Variants in TCF7L2 observed in about 807,000 individuals in gnomAD.
TCF7L2 encodes the protein transcription factor 7 like 2.
A neutral mutation model predicts 77.9 loss-of-function variants in TCF7L2; 23 were observed. That is an observed-to-expected ratio of 0.30 (90% CI 0.21 to 0.42). TCF7L2 has a LOEUF of 0.42. TCF7L2 is among the 10% of genes least tolerant of loss of function. The pLI is 1.00. For missense variants in TCF7L2, 654 were observed against 793.1 expected (o/e 0.82, Z 2.11); for synonymous variants, 413 against 340.2 (o/e 1.21, Z -2.36).
intron 4 of TCF7L2, among the ~76,000 whole-genome samples, chr10:112,976,875 C>A (rs2039519055): frequency 6.6e-6 from 1 of 152,138 alleles, no homozygotes; most frequent in Non-Finnish European, 1.5e-5. Flanking sequence ...TGGCATCATC[C>A]AAACAGTGGT....
rs151090360 is a variant in TCF7L2 at position 113,066,943 on chromosome 10, G to T, written c.552+26817G>T. 5.9e-4 allele frequency among the ~76,000 whole-genome samples: 90 copies of T among 152,326 alleles called. 1 individual carries two copies. The highest frequency in any genetic ancestry group is 2.1e-3 in the African/African-American group (86 of 41,574). On this transcript the variant is annotated intron_variant, in intron 5 of 13. Transcript: ENST00000627217. ...ATTGGGAGGAGTTAGGCTGCAGCAT[G>T]AATGGGAACAATGAATATGGAGGTT...
At chr10:112,980,147 T>C (rs1391722582) in intron 4 of TCF7L2, among the ~76,000 whole-genome samples, 1 of 152,202 alleles carries the variant, frequency 6.6e-6, no homozygotes, top group East Asian at 1.9e-4. Context: ...GGGTGGGGTA[T>C]ACACAGTGTG....
At chr10:113,158,988 A>G (rs1228191916) in intron 12 of TCF7L2, among the ~76,000 whole-genome samples, 1 of 151,222 alleles carries the variant, frequency 6.6e-6, no homozygotes, top group Non-Finnish European at 1.5e-5. Flanking sequence ...TAACTGTGCA[A>G]ATTGAATATG....
chr10:112,975,209 A>G (rs2039164833), intron 4 of TCF7L2, among the ~76,000 whole-genome samples: 1 of 150,504 alleles, frequency 6.6e-6, no homozygotes, highest in African/African-American at 2.5e-5. Context: ...CACATCAAAC[A>G]TATGTGGAGT....
intron 4 of TCF7L2, among the ~76,000 whole-genome samples, chr10:113,031,119 G>T (rs927394529): frequency 6.6e-6 from 1 of 152,206 alleles, no homozygotes; most frequent in African/African-American, 2.4e-5. Flanking sequence ...TCTGGTTTCA[G>T]TCCCTCATAA....
chr10:113,151,174 G>A lies in TCF7L2; in HGVS notation c.1001+51G>A. On this transcript the variant is annotated intron_variant, in intron 9 of 13. Transcript: ENST00000627217. This position sits in a 1 kb window ranked among gnomAD's most constrained non-coding sequence, Gnocchi z 5.2. ...TCTTCGTAGCCGCAGTGTTCTGCAA[G>A]CCTGTTGCAGCTGCTGGGTGGTGGC... 1 of 1,610,718 alleles carries A rather than the reference G, an allele frequency of 6.2e-7. No individual in the cohort carries two copies. Among genetic ancestry groups the A allele is most frequent in the Non-Finnish European group, 8.5e-7 (1 of 1,177,422 alleles).
At chr10:113,137,607 A>T (rs2067617721) in intron 5 of TCF7L2, among the ~76,000 whole-genome samples, 1 of 152,228 alleles carries the variant, frequency 6.6e-6, no homozygotes, top group Non-Finnish European at 1.5e-5. Flanking sequence ...TAATTGAGAT[A>T]GTGTCTGCAA....
rs761524020 is a variant in TCF7L2 at position 113,024,308 on chromosome 10, AAAAC to A, written c.451-15697_451-15694del. On this transcript the variant is annotated intron_variant, in intron 4 of 13. Coordinates refer to ENST00000627217, the MANE Select transcript of TCF7L2 (RefSeq NM_001146274.2). ...CAAAGCGAGACTCTCACAACAAAAC[AAAAC>A]AAACAAACAAACAAACAAAAAGTCA... Among the ~76,000 whole-genome samples the A allele has an allele frequency of 5.2e-3, 791 of 152,096 alleles. 4 individuals are homozygous for A. Among genetic ancestry groups the A allele is most frequent in the African/African-American group, 0.015 (638 of 41,508 alleles).
At chr10:113,102,207 C>T (rs1473319215) in intron 5 of TCF7L2, among the ~76,000 whole-genome samples, 3 of 148,172 alleles carry the variant, frequency 2.0e-5, no homozygotes, top group Non-Finnish European at 4.5e-5. Context: ...TGGTTAGGAG[C>T]GTGTGCTCTG....
At chr10:112,991,507 CA>C (rs372874107) in intron 4 of TCF7L2, among the ~76,000 whole-genome samples, 76 of 122,378 alleles carry the variant, frequency 6.2e-4, no homozygotes, top group Admixed American at 8.9e-4. Context: ...GACTCCATCT[CA>C]AAAAAAAAAA....
chr10:113,124,907 G>A (rs1020508340), intron 5 of TCF7L2, among the ~76,000 whole-genome samples: 2 of 152,078 alleles, frequency 1.3e-5, no homozygotes, highest in Non-Finnish European at 2.9e-5. Flanking sequence ...TCCGAATGGC[G>A]ATTTGGGATC....
chr10:113,147,101 A>G, intron 8 of TCF7L2, among the ~76,000 whole-genome samples: 1 of 152,282 alleles, frequency 6.6e-6, no homozygotes, highest in South Asian at 2.1e-4. Flanking sequence ...GTTTCTAATG[A>G]TAGTTTTATT....
chr10:113,075,870 C>T (rs193028198), intron 5 of TCF7L2, among the ~76,000 whole-genome samples: 4 of 151,986 alleles, frequency 2.6e-5, no homozygotes, highest in Non-Finnish European at 4.4e-5. Flanking sequence ...ATCTTACAGC[C>T]GGGGCCTGTA....
At chr10:112,962,305 G>T (rs2035465841) in intron 3 of TCF7L2, among the ~76,000 whole-genome samples, 1 of 152,128 alleles carries the variant, frequency 6.6e-6, no homozygotes, top group Admixed American at 6.6e-5. Flanking sequence ...ATCTGAATCA[G>T]GCGATTGGAA....
At chr10:113,121,096 A>G (rs1387832729) in intron 5 of TCF7L2, among the ~76,000 whole-genome samples, 2 of 152,220 alleles carry the variant, frequency 1.3e-5, no homozygotes, top group Non-Finnish European at 2.9e-5. Flanking sequence ...GGCAAAAGGA[A>G]GAGTCAGCCT....
intron 5 of TCF7L2, chr10:113,089,651 T>G: frequency 2.9e-6 from 4 of 1,360,978 alleles, no homozygotes; most frequent in Non-Finnish European, 4.0e-6. Context: ...GATCCCTGAA[T>G]TCTTGTTGGG....
At chr10:112,987,552 T>C (rs910042710) in intron 4 of TCF7L2, 3 of 152,090 alleles carry the variant, frequency 2.0e-5, no homozygotes, top group Middle Eastern at 3.2e-3. Context: ...AAACACCAGG[T>C]TCTTCTCAGG....
intron 12 of TCF7L2, chr10:113,160,522 G>T: frequency 9.1e-7 from 1 of 1,094,024 alleles, no homozygotes; most frequent in Non-Finnish European, 1.3e-6. Context: ...GAACCAAGGT[G>T]ATAGAGAAGA....
At chr10:112,995,290 G>GT (rs764350107) in intron 4 of TCF7L2, among the ~76,000 whole-genome samples, 3 of 152,132 alleles carry the variant, frequency 2.0e-5, no homozygotes, top group African/African-American at 7.2e-5. Context: ...TCGGCCTTAC[G>GT]TTTTTTTGTT....
Sources: allele counts gnomAD v4.1 joint callset (sites outside exome capture counted in the v4.1 genomes callset), GRCh38; gene constraint gnomAD v4.1.1; non-coding constraint Gnocchi (gnomAD v3.1); transcripts MANE v1.5; gene names NCBI Gene and HGNC (gene_info 2026-07-23, HGNC 2026-07-21).